The following CBL variants were observed in gnomAD, a reference collection of about 807,000 sequenced individuals.
CBL encodes the protein Cbl proto-oncogene.
In CBL, 45 loss-of-function variants were observed where a neutral mutation model predicts 96.9. The ratio of observed to expected loss-of-function variants is 0.46; its 90% CI spans 0.37 to 0.60. CBL has a LOEUF of 0.60. CBL is among the 20% of genes least tolerant of loss of function. The pLI is 0.00. For missense variants in CBL, 1,024 were observed against 1,143.5 expected, an observed-to-expected ratio of 0.90 and a Z score of 1.51; for synonymous variants, 420 against 426.8, an observed-to-expected ratio of 0.98 and a Z score of 0.20.
Position 119,301,272 on chromosome 11 carries a change from T to G in CBL, c.*1491T>G. 1 of 233,272 alleles carries G rather than the reference T, an allele frequency of 4.3e-6. No homozygotes were observed. Among genetic ancestry groups the G allele is most frequent in the Non-Finnish European group, 8.5e-6 (1 of 118,020 alleles). 14.5% of individuals were successfully genotyped at this position (233,272 alleles called of 1,614,324 possible). Reference sequence around the variant, plus strand: ...TCAAAGACAGTATGGGCTGGCAGTTTGTGTAATTGCAAGTTCATAAAGAGA... The same window carrying G: ...TCAAAGACAGTATGGGCTGGCAGTTGGTGTAATTGCAAGTTCATAAAGAGA... On this transcript the variant is annotated 3_prime_UTR_variant, in exon 16 of 16. Transcript: ENST00000264033.
In CBL at chr11:119,206,372, C is replaced by G. The variant is rs1268733381; in HGVS notation, c.-46C>G. The G allele has an allele frequency of 2.1e-6, 3 of 1,414,640 alleles. No homozygotes were observed. The highest frequency in any genetic ancestry group is 1.5e-5 in the African/African-American group (1 of 67,322). The allele number at this position is 1,414,640 out of a possible 1,614,324, so 87.6% of individuals were successfully genotyped here. A position where few individuals can be genotyped will look rare whatever the true frequency, so the allele number is the denominator to read the frequency against. ...CCTGCTTCTCTCCCTCGCTCGCAGT[C>G]GAGCCGAGCCGGCGGACCCGCCTGG... On this transcript the variant is annotated 5_prime_UTR_variant, in exon 1 of 16. Transcript: ENST00000264033.
In CBL at chr11:119,287,891, C is replaced by A; in HGVS notation, c.1981C>A (p.His661Asn). ...CCCATTAGTAGGTCCAGAGTGTGACCACCCCAAAATCAAACCTTCCTCATC... is the reference window on the plus strand; with the variant it reads ...CCCATTAGTAGGTCCAGAGTGTGACAACCCCAAAATCAAACCTTCCTCATC... ...SSPLVGPECDHPKIKPSSSAN... is the reference protein window; with the variant it reads ...SSPLVGPECDNPKIKPSSSAN... Residue 661 changes from histidine (H) to asparagine (N), a missense_variant, in exon 12 of 16, where the codon CAC (histidine) becomes AAC (asparagine). By Grantham distance (68) the His-to-Asn change is moderately conservative. Transcript: ENST00000264033. 6.2e-7 allele frequency: 1 copy of A among 1,613,738 alleles called. No homozygotes were observed. Among genetic ancestry groups the A allele is most frequent in the African/African-American group, 1.3e-5 (1 of 75,010 alleles).
intron 1 of CBL, among the ~76,000 whole-genome samples, chr11:119,218,198 C>T (rs1192941204): frequency 2.0e-5 from 3 of 152,150 alleles, no homozygotes; most frequent in African/African-American, 7.2e-5. Flanking sequence ...TTAAAGATGA[C>T]CCGGCACTCA....
intron 2 of CBL, among the ~76,000 whole-genome samples, chr11:119,261,662 G>A (rs1949755126): frequency 1.3e-5 from 2 of 152,084 alleles, no homozygotes; most frequent in Admixed American, 6.5e-5. Context: ...AGTACTGAGG[G>A]TTAATATGCT....
chr11:119,292,884 A>T (rs1293768179), intron 12 of CBL, among the ~76,000 whole-genome samples: 1 of 152,172 alleles, frequency 6.6e-6, no homozygotes, highest in African/African-American at 2.4e-5. Context: ...AGATGGGGTT[A>T]TGTCCCAGTA....
intron 2 of CBL, among the ~76,000 whole-genome samples, chr11:119,245,508 C>T (rs1157833595): frequency 6.6e-6 from 1 of 152,028 alleles, no homozygotes; most frequent in African/African-American, 2.4e-5. Context: ...GCAGGTGGAT[C>T]ACTTGAGGTC....
At chr11:119,212,325 T>TA (rs1301863213) in intron 1 of CBL, among the ~76,000 whole-genome samples, 2 of 152,114 alleles carry the variant, frequency 1.3e-5, no homozygotes, top group Non-Finnish European at 2.9e-5. Context: ...TTTTTTGAAT[T>TA]AAAAAAATAT....
intron 1 of CBL, among the ~76,000 whole-genome samples, chr11:119,227,553 CT>C (rs757085592): frequency 0.012 from 1,732 of 142,314 alleles, 27 homozygotes; most frequent in African/African-American, 0.038. Context: ...TTATAATTTT[CT>C]TTTTTTTTTT....
chr11:119,242,212 G>A (rs1300647041), intron 2 of CBL, among the ~76,000 whole-genome samples: 1 of 152,100 alleles, frequency 6.6e-6, no homozygotes, highest in Non-Finnish European at 1.5e-5. Context: ...CCAGTGATTT[G>A]GGAGACTAAG....
rs184977703 is a variant in CBL at position 119,263,857 on chromosome 11, A to T, written c.444-7878A>T. 4.1e-3 allele frequency among the ~76,000 whole-genome samples: 626 copies of T among 152,308 alleles called. 10 individuals are homozygous for T. The highest frequency in any genetic ancestry group is 0.012 in the African/African-American group (490 of 41,562). On this transcript the variant is annotated intron_variant, in intron 2 of 15. Coordinates refer to ENST00000264033, the MANE Select transcript of CBL (RefSeq NM_005188.4). ...CACTCAGCATTCTTTAGATGACACT[A>T]GTGTTTGGATATAAGGTTTCTGGAG...
intron 2 of CBL, among the ~76,000 whole-genome samples, chr11:119,265,404 A>T (rs1002585068): frequency 6.6e-6 from 1 of 152,324 alleles, no homozygotes; most frequent in South Asian, 2.1e-4. Context: ...AGTTTAGTAG[A>T]TTACTTTTTC....
intron 1 of CBL, 23 bp downstream of exon 1, chr11:119,206,635 G>A (rs2135244309): frequency 3.2e-6 from 5 of 1,543,548 alleles, no homozygotes; most frequent in Non-Finnish European, 4.4e-6. Flanking sequence ...CTGAGCGCCC[G>A]CTGTTGCAGG....
At chr11:119,228,821 T>A (rs1341955907) in intron 1 of CBL, among the ~76,000 whole-genome samples, 1 of 151,160 alleles carries the variant, frequency 6.6e-6, no homozygotes, top group African/African-American at 2.4e-5. Context: ...TCTCTTTTTT[T>A]TTTTTGGAGA....
At chr11:119,217,587 A>G (rs553208346) in intron 1 of CBL, among the ~76,000 whole-genome samples, 1 of 152,252 alleles carries the variant, frequency 6.6e-6, no homozygotes, top group Admixed American at 6.5e-5. Context: ...TGCATTCCTA[A>G]TCAGCTCTCA....
In CBL at chr11:119,287,925, C is replaced by A. The variant is rs1352442106; in HGVS notation, c.2015C>A (p.Ala672Asp). 2 of 1,612,286 alleles carry A rather than the reference C, an allele frequency of 1.2e-6. No individual in the cohort carries two copies. The highest frequency in any genetic ancestry group is 2.7e-5 in the African/African-American group (2 of 74,858). Residue 672 changes from alanine (A) to aspartate (D), a missense_variant, in exon 12 of 16, where the codon GCC becomes GAC. Physicochemically the swap from Ala to Asp is moderately radical, Grantham distance 126. Around this residue, in one of 4 missense-constraint regions of CBL, gnomAD observed 695 missense variants for 661.6 expected, o/e 1.05. Coordinates refer to ENST00000264033, the MANE Select transcript of CBL (RefSeq NM_005188.4). ...ATCAAACCTTCCTCATCTGCCAATG[C>A]CATTTATTCTCTGGCTGCCAGGTAA... is the stretch of plus-strand genomic sequence containing the variant. ...PKIKPSSSAN[A>D]IYSLAARPLP... is the part of the protein sequence containing the mutation.
At chr11:119,226,739 T>C (rs1010491271) in intron 1 of CBL, among the ~76,000 whole-genome samples, 1 of 152,206 alleles carries the variant, frequency 6.6e-6, no homozygotes, top group African/African-American at 2.4e-5. Context: ...ATTACAGGCA[T>C]GAGCCACCAC....
intron 2 of CBL, among the ~76,000 whole-genome samples, chr11:119,235,943 A>G (rs1592378999): frequency 6.6e-6 from 1 of 152,254 alleles, no homozygotes; most frequent in Admixed American, 6.5e-5. Context: ...TTTTCAATCA[A>G]CTTTCTCAGG....
intron 1 of CBL, among the ~76,000 whole-genome samples, chr11:119,208,613 A>T (rs1235326965): frequency 6.6e-6 from 1 of 151,176 alleles, no homozygotes; most frequent in East Asian, 1.9e-4. Flanking sequence ...CTCGTCTCGA[A>T]CTCCTGACCT....
intron 12 of CBL, among the ~76,000 whole-genome samples, chr11:119,293,057 T>TAAGTTCTAGTATTTCC (rs1406938177): frequency 2.0e-5 from 3 of 152,312 alleles, no homozygotes; most frequent in African/African-American, 7.2e-5. Flanking sequence ...GTTGTATTTT[T>TAAGTTCTAGTATTTCC]AAGTTCTAGT....
Sources: gnomAD v4.1 joint callset for allele counts (sites outside exome capture counted in the v4.1 genomes callset) on GRCh38, gnomAD v4.1.1 for gene constraint, gnomAD v4.1.1 regional missense constraint, MANE v1.5 for transcripts, NCBI Gene and HGNC (gene_info 2026-07-23, HGNC 2026-07-21) for gene names.